NTM: variants seen among roughly 807,000 people sequenced by gnomAD.
The protein encoded by NTM is neurotrimin.
Under a neutral mutation model 42.1 loss-of-function variants are expected in NTM, and 13 were observed. The ratio of observed to expected loss-of-function variants is 0.31; its 90% confidence interval spans 0.20 to 0.49. The LOEUF is 0.49. NTM is among the 20% of genes least tolerant of loss of function. The pLI is 0.99. For missense variants in NTM, 373 were observed against 452.8 expected, an observed-to-expected ratio of 0.82 and a Z score of 1.60; for synonymous variants, 187 against 179.2, an observed-to-expected ratio of 1.04 and a Z score of -0.35.
intron 2 of NTM, among the ~76,000 whole-genome samples, chr11:131,982,559 G>A (rs532015009): frequency 2.7e-4 from 41 of 152,058 alleles, no homozygotes; most frequent in Non-Finnish European, 5.3e-4. Flanking sequence ...GGAAAGCAGA[G>A]TTTCTGGGTC....
intron 2 of NTM, among the ~76,000 whole-genome samples, chr11:132,103,112 A>AG (rs1203473109): frequency 6.6e-6 from 1 of 152,200 alleles, no homozygotes; most frequent in Non-Finnish European, 1.5e-5. Context: ...GTGGAACCGC[A>AG]GGGGCAGATG....
At chr11:131,711,092 A>G (rs925951115) in intron 1 of NTM, among the ~76,000 whole-genome samples, 13 of 152,178 alleles carry the variant, frequency 8.5e-5, no homozygotes, top group Admixed American at 2.0e-4. Flanking sequence ...TGTCTAAAAC[A>G]CCAAAAGCAA....
chr11:132,207,353 T>A (rs1263812105), intron 3 of NTM, among the ~76,000 whole-genome samples: 1 of 152,146 alleles, frequency 6.6e-6, no homozygotes, highest in Non-Finnish European at 1.5e-5. Flanking sequence ...GCACTCCTTG[T>A]GAAAATCTAA....
rs139311127 is a variant in NTM, at chr11:132,243,507, G to C, written c.526+31360G>C. On this transcript the variant is annotated intron_variant, in intron 4 of 8. Coordinates refer to ENST00000683400, the MANE Select transcript of NTM (RefSeq NM_001352005.2). The stretch of plus-strand genomic sequence containing the variant: ...AGTGCAGAATCCCTCTGCAGCAGAT[G>C]TGGCCTTCTGCACGCTCAGAGCCCC... Among the ~76,000 whole-genome samples the C allele has an allele frequency of 2.3e-4, 35 of 152,288 alleles. No individual in the cohort carries two copies. The East Asian group carries it at 6.6e-3, about 29-fold the overall frequency.
intron 2 of NTM, among the ~76,000 whole-genome samples, chr11:132,056,319 G>A (rs11222892): frequency 0.11 from 17,250 of 151,658 alleles, 243 homozygotes; most frequent in South Asian, 0.17. Context: ...GTTCCTACAC[G>A]TCATCCCCTA....
At chr11:131,487,731 C>T (rs2136276561) in intron 1 of NTM, among the ~76,000 whole-genome samples, 1 of 151,360 alleles carries the variant, frequency 6.6e-6, no homozygotes, top group South Asian at 2.1e-4. Flanking sequence ...TACCCCTAGG[C>T]TTAAAGAAAA....
chr11:132,330,126 C>T lies in NTM; in HGVS notation c.935-27C>T, dbSNP rs1243875638. ...CATCTCCGTCTGCTTTCGACCTTAA[C>T]AGTGGCTTGTTTTTAATTTCTTTTA... On this transcript the variant is annotated intron_variant, in intron 7 of 8. Coordinates refer to ENST00000683400, the MANE Select transcript of NTM (RefSeq NM_001352005.2). 2.6e-6 allele frequency: 4 copies of T among 1,551,502 alleles called. No homozygotes were observed. The African/African-American group carries it at 4.1e-5, about 16-fold the overall frequency.
intron 1 of NTM, among the ~76,000 whole-genome samples, chr11:131,624,313 A>T (rs1033963116): frequency 1.3e-4 from 20 of 152,238 alleles, no homozygotes; most frequent in African/African-American, 4.6e-4. Context: ...ACTGATCAGC[A>T]CTGTGATCTC....
chr11:132,150,792 A>C (rs939698935), intron 3 of NTM, among the ~76,000 whole-genome samples: 20 of 152,276 alleles, frequency 1.3e-4, no homozygotes, highest in African/African-American at 4.8e-4. Context: ...CCACCAGGAC[A>C]CTGAGATTTC....
chr11:131,784,427 A>G (rs1464463007), intron 1 of NTM, among the ~76,000 whole-genome samples: 4 of 152,342 alleles, frequency 2.6e-5, no homozygotes, highest in African/African-American at 9.6e-5. Flanking sequence ...AGTAATGAAA[A>G]GAAACTTTGA....
At chr11:132,287,552 G>A (rs2139946916) in intron 4 of NTM, among the ~76,000 whole-genome samples, 1 of 152,234 alleles carries the variant, frequency 6.6e-6, no homozygotes, top group Non-Finnish European at 1.5e-5. Flanking sequence ...TTTAAAAAAT[G>A]CTTAAAAGGC....
intron 1 of NTM, among the ~76,000 whole-genome samples, chr11:131,706,487 T>C (rs575398480): frequency 6.6e-6 from 1 of 152,094 alleles, no homozygotes; most frequent in South Asian, 2.1e-4. Flanking sequence ...AAAGGGATCC[T>C]AACCTAAAAA....
At position 132,050,764 on chromosome 11, in the gene NTM, G is replaced by T. The variant is rs571299817; in HGVS notation, c.168-95518G>T. 1.3e-4 allele frequency among the ~76,000 whole-genome samples: 20 copies of T among 152,342 alleles called. No individual in the cohort carries two copies. The South Asian group carries it at 2.9e-3, about 22-fold the overall frequency. ...CCAGATGTGGGGCACACAGACACCT[G>T]CAGGGCCAGTGTGTCGAGAGCAGAG... is the stretch of plus-strand genomic sequence containing the variant. On this transcript the variant is annotated intron_variant, in intron 2 of 8. Coordinates refer to ENST00000683400, the MANE Select transcript of NTM (RefSeq NM_001352005.2).
Position 132,146,731 on chromosome 11 carries a change from C to A in NTM, c.400+217C>A. On this transcript the variant is annotated intron_variant, in intron 3 of 8. Transcript: ENST00000683400. This position sits in a 1 kb window ranked among gnomAD's most constrained non-coding sequence, Gnocchi z 4.5. ...GGAATTGTTTTTTTCATTTTTGTTCCAATAATATATTTTCTCAGGAAATTA... is the reference window on the plus strand; with the variant it reads ...GGAATTGTTTTTTTCATTTTTGTTCAAATAATATATTTTCTCAGGAAATTA... The A allele has an allele frequency of 2.1e-6, 1 of 468,536 alleles. No individual in the cohort carries two copies. Among genetic ancestry groups the A allele is most frequent in the Non-Finnish European group, 3.7e-6 (1 of 269,286 alleles). The allele number at this position is 468,536 out of a possible 1,614,324, so 29.0% of individuals were successfully genotyped here.
chr11:131,512,975 C>G (rs908909476), intron 1 of NTM, among the ~76,000 whole-genome samples: 2 of 152,100 alleles, frequency 1.3e-5, no homozygotes, highest in South Asian at 2.1e-4. Context: ...ACTGAGATCT[C>G]GGGACATTTC....
At chr11:132,205,732 T>C (rs569116108) in intron 3 of NTM, among the ~76,000 whole-genome samples, 32 of 152,324 alleles carry the variant, frequency 2.1e-4, no homozygotes, top group South Asian at 1.2e-3. Context: ...TAATTTACTA[T>C]TGGCACGTCA....
intron 1 of NTM, among the ~76,000 whole-genome samples, chr11:131,696,785 G>GCACACACACACACACA (rs34907087): frequency 1.2e-4 from 17 of 147,752 alleles, no homozygotes; most frequent in African/African-American, 4.2e-4. Flanking sequence ...ACCCACGCAT[G>GCACACACACACACACA]CACACACACA....
intron 2 of NTM, among the ~76,000 whole-genome samples, chr11:131,949,024 G>A (rs1393541827): frequency 6.6e-6 from 1 of 152,116 alleles, no homozygotes; most frequent in African/African-American, 2.4e-5. Flanking sequence ...ACCATTCTAC[G>A]GTGACTCTAC....
chr11:131,926,432 C>A (rs917031672), intron 2 of NTM, among the ~76,000 whole-genome samples: 2 of 151,968 alleles, frequency 1.3e-5, no homozygotes, highest in African/African-American at 2.4e-5. Flanking sequence ...GCACGATGGT[C>A]AAGGTGGTGA....
Sources: gnomAD v4.1 joint callset for allele counts (sites outside exome capture counted in the v4.1 genomes callset) on GRCh38, gnomAD v4.1.1 for gene constraint, Gnocchi (gnomAD v3.1) non-coding constraint, MANE v1.5 for transcripts, NCBI Gene and HGNC (gene_info 2026-07-23, HGNC 2026-07-21) for gene names.